Variants in ADAMTS9 observed in about 807,000 individuals in gnomAD.
The protein encoded by ADAMTS9 is ADAM metallopeptidase with thrombospondin type 1 motif 9.
ADAMTS9 carries 107 observed loss-of-function variants against 257.1 expected under a neutral mutation model. The observed-to-expected ratio is 0.42, with a 90% CI of 0.36 to 0.49. The LOEUF (loss-of-function observed/expected upper bound fraction) is 0.49, where lower values mean the gene tolerates loss of function less well. ADAMTS9 is among the 20% of genes least tolerant of loss of function. The pLI, the probability that ADAMTS9 is intolerant of heterozygous loss-of-function variation, is 0.03. For missense variants in ADAMTS9, 2,353 were observed against 2,469.1 expected (o/e 0.95, Z 1.00); for synonymous variants, 982 against 880.9 (o/e 1.11, Z -2.03).
chr3:64,535,245 G>A (rs2083034991), intron 37 of ADAMTS9, among the ~76,000 whole-genome samples: 1 of 152,190 alleles, frequency 6.6e-6, no homozygotes, highest in South Asian at 2.1e-4. Flanking sequence ...TGGGCATGGT[G>A]GTGTGTGCCT....
intron 22 of ADAMTS9, among the ~76,000 whole-genome samples, chr3:64,610,397 G>A (rs187744685): frequency 2.0e-5 from 3 of 152,100 alleles, no homozygotes; most frequent in Admixed American, 6.5e-5. Context: ...CAAGAACAAC[G>A]AGAAAAACAG....
At chr3:64,601,236 T>C (rs976243807) in intron 26 of ADAMTS9, among the ~76,000 whole-genome samples, 3 of 152,194 alleles carry the variant, frequency 2.0e-5, no homozygotes, top group Non-Finnish European at 4.4e-5. Flanking sequence ...AAGCACTTTA[T>C]CTGCATCATC....
At chr3:64,683,126 A>G (rs1375609618) in intron 2 of ADAMTS9, among the ~76,000 whole-genome samples, 1 of 152,212 alleles carries the variant, frequency 6.6e-6, no homozygotes, top group Non-Finnish European at 1.5e-5. Flanking sequence ...TGTTCAATAC[A>G]CAACTCTGGT....
rs745716916 is a variant in ADAMTS9 at position 64,654,579 on chromosome 3, A to G, written c.1203T>C (p.Asp401=). The G allele has an allele frequency of 6.2e-7, 1 of 1,614,110 alleles. No individual in the cohort carries two copies. Among genetic ancestry groups the G allele is most frequent in the Admixed American group, 1.7e-5 (1 of 60,004 alleles). The change falls in exon 7 of 40, where the codon GAT becomes GAC. Residue 401 remains aspartate (D), a synonymous_variant. Coordinates refer to ENST00000498707, the MANE Select transcript of ADAMTS9 (RefSeq NM_182920.2). Reference sequence around the variant, plus strand: ...TACGCACAGAGAACTCACCTAAGGTATCACATTTGTCGTGAGCTCTGCAGA... The same window carrying G: ...TACGCACAGAGAACTCACCTAAGGTGTCACATTTGTCGTGAGCTCTGCAGA... ...QDICRAHDKC[D]TLGLAELGTI...
chr3:64,533,609 C>T (rs2083010249), intron 37 of ADAMTS9, among the ~76,000 whole-genome samples: 1 of 152,224 alleles, frequency 6.6e-6, no homozygotes, highest in Non-Finnish European at 1.5e-5. Context: ...GCCTCCCTAA[C>T]ACAGCAGTCC....
intron 3 of ADAMTS9, among the ~76,000 whole-genome samples, chr3:64,669,425 G>C (rs1701430394): frequency 6.6e-6 from 1 of 152,094 alleles, no homozygotes; most frequent in Admixed American, 6.5e-5. Context: ...GAAGTAAGAG[G>C]CCTGTGTTCA....
chr3:64,541,613 T>C lies in ADAMTS9; in HGVS notation c.5205A>G (p.Leu1735=). 6.2e-7 allele frequency: 1 copy of C among 1,613,486 alleles called. No individual in the cohort carries two copies. The highest frequency in any genetic ancestry group is 1.1e-5 in the South Asian group (1 of 91,070). Residue 1735 remains leucine, a synonymous_variant, in exon 34 of 40, where the codon TTA becomes TTG. Transcript: ENST00000498707. ...TTTTTACCTCCTTGCAATTCTGGGG[T>C]AACTCACCTAGAAAACACCAATCAC... ...KTCRNVYNCE[L]PQNCKEVKRL... is the part of the protein sequence containing the mutation.
intron 34 of ADAMTS9, 48 bp downstream of exon 34, chr3:64,541,478 C>T (rs1575996019): frequency 6.2e-7 from 1 of 1,606,564 alleles, no homozygotes. Flanking sequence ...GCGGTGATCA[C>T]TCACTCTAAA....
chr3:64,524,877 T>G (rs2106875873), intron 38 of ADAMTS9, among the ~76,000 whole-genome samples: 1 of 152,342 alleles, frequency 6.6e-6, no homozygotes, highest in East Asian at 1.9e-4. Context: ...GTCCCATACA[T>G]TACAAGGCCT....
intron 22 of ADAMTS9, among the ~76,000 whole-genome samples, chr3:64,608,474 C>T (rs750993277): frequency 1.3e-5 from 2 of 151,924 alleles, no homozygotes; most frequent in Non-Finnish European, 1.5e-5. Context: ...AAGGAGGGAA[C>T]ATGTCTACTG....
chr3:64,663,418 G>A (rs1701272541), intron 3 of ADAMTS9, among the ~76,000 whole-genome samples: 1 of 139,282 alleles, frequency 7.2e-6, no homozygotes, highest in South Asian at 2.3e-4. Context: ...AGGAAATGTT[G>A]TATGGAATTC....
intron 6 of ADAMTS9, among the ~76,000 whole-genome samples, chr3:64,654,993 A>G (rs1342020833): frequency 6.6e-6 from 1 of 152,212 alleles, no homozygotes; most frequent in African/African-American, 2.4e-5. Flanking sequence ...CATGACCACA[A>G]TTGAGATGGC....
chr3:64,566,989 G>A (rs1384347474), intron 29 of ADAMTS9, among the ~76,000 whole-genome samples: 1 of 152,046 alleles, frequency 6.6e-6, no homozygotes, highest in Admixed American at 6.5e-5. Flanking sequence ...AACCAGCTCT[G>A]GCTGGGTATA....
At chr3:64,599,891 T>C (rs1446417419) in intron 26 of ADAMTS9, among the ~76,000 whole-genome samples, 2 of 152,162 alleles carry the variant, frequency 1.3e-5, no homozygotes, top group East Asian at 1.9e-4. Context: ...TGACAGAGAC[T>C]GTATGGTTCA....
At chr3:64,603,853 T>G (rs2084508760) in intron 25 of ADAMTS9, 69 bp downstream of exon 25, 1 of 1,535,770 alleles carries the variant, frequency 6.5e-7, no homozygotes, top group African/African-American at 1.4e-5. Flanking sequence ...GGCGCCCCCC[T>G]CCGCTGACTC....
At chr3:64,542,246 T>A (rs1463611028) in intron 32 of ADAMTS9, among the ~76,000 whole-genome samples, 3 of 151,250 alleles carry the variant, frequency 2.0e-5, no homozygotes, top group Non-Finnish European at 2.9e-5. Flanking sequence ...CACACATAAT[T>A]TTTTCATTTA....
At chr3:64,634,018 C>T in intron 12 of ADAMTS9, 139 bp from the exon 13 acceptor site, 4 of 770,898 alleles carry the variant, frequency 5.2e-6, no homozygotes, top group Non-Finnish European at 8.2e-6. Context: ...GGCAAGAGCT[C>T]TGATCCCTGG....
At chr3:64,584,254 T>G (rs537780989) in intron 28 of ADAMTS9, among the ~76,000 whole-genome samples, 1 of 152,026 alleles carries the variant, frequency 6.6e-6, no homozygotes, top group African/African-American at 2.4e-5. Flanking sequence ...AGATATTTAC[T>G]GGAATTTACT....
At chr3:64,625,096 G>C (rs1412523429) in intron 16 of ADAMTS9, among the ~76,000 whole-genome samples, 1 of 152,144 alleles carries the variant, frequency 6.6e-6, no homozygotes, top group Non-Finnish European at 1.5e-5. Flanking sequence ...ATATATTTAG[G>C]TGAATAAAAG....
Sources: allele counts gnomAD v4.1 joint callset (sites outside exome capture counted in the v4.1 genomes callset), GRCh38; gene constraint gnomAD v4.1.1; transcripts MANE v1.5; gene names NCBI Gene and HGNC (gene_info 2026-07-23, HGNC 2026-07-21).